Variants in STOX2 observed in about 807,000 individuals in gnomAD.
The protein encoded by STOX2 is storkhead-box protein 2.
In STOX2, 28 loss-of-function variants were observed where a neutral mutation model predicts 60.9. That is an observed-to-expected ratio of 0.46 (90% CI 0.34 to 0.63). The LOEUF (loss-of-function observed/expected upper bound fraction) is 0.63, where lower values mean the gene tolerates loss of function less well. STOX2 is among the 30% of genes least tolerant of loss of function. The probability of loss-of-function intolerance (pLI) is 0.01; values close to 1 mark genes in which losing one functional copy is unlikely to be tolerated. For missense variants in STOX2, 1,024 were observed against 1,187.7 expected, an observed-to-expected ratio of 0.86 and a Z score of 2.03; for synonymous variants, 472 against 463.9, an observed-to-expected ratio of 1.02 and a Z score of -0.22.
At chr4:183,984,784 G>A (rs747473417) in intron 1 of STOX2, among the ~76,000 whole-genome samples, 4 of 152,124 alleles carry the variant, frequency 2.6e-5, no homozygotes, top group Admixed American at 6.5e-5. Flanking sequence ...TCACCTCTGC[G>A]GTCCTCTGTG....
intron 1 of STOX2, among the ~76,000 whole-genome samples, chr4:183,969,085 C>A (rs1044326310): frequency 6.6e-6 from 1 of 152,188 alleles, no homozygotes; most frequent in Non-Finnish European, 1.5e-5. Flanking sequence ...TTTGCTGTTC[C>A]TGTGAGAATT....
In STOX2 at chr4:183,986,681, C is replaced by G. The variant is rs1221914414; in HGVS notation, c.167-14644C>G. ...TATCGGATGGGTGATGGCGCAGAAG[C>G]GGGTTATACGTTTTGTAGCCTCCCG... On this transcript the variant is annotated intron_variant, in intron 1 of 3. Transcript: ENST00000308497. Among the ~76,000 whole-genome samples, 5 of 152,200 alleles carry G rather than the reference C, an allele frequency of 3.3e-5. No homozygotes were observed. In the South Asian group the frequency reaches 8.3e-4, roughly 25 times the overall value.
chr4:183,841,699 A>G (rs1045981734), intron 1 of STOX2, among the ~76,000 whole-genome samples: 5 of 152,250 alleles, frequency 3.3e-5, no homozygotes, highest in African/African-American at 4.8e-5. Flanking sequence ...AAAAAAATAC[A>G]CAGCTTATTA....
chr4:183,949,983 TA>T (rs1173496225), intron 1 of STOX2, among the ~76,000 whole-genome samples: 3 of 152,214 alleles, frequency 2.0e-5, no homozygotes, highest in Non-Finnish European at 4.4e-5. Context: ...TACTGACAGT[TA>T]ACACCATGAA....
intron 1 of STOX2, chr4:183,798,507 T>A (rs1337964863): frequency 1.9e-6 from 1 of 525,374 alleles, no homozygotes; most frequent in African/African-American, 2.1e-5. Context: ...GCGGCTCAGG[T>A]GCGCCCGGGA....
chr4:183,850,867 G>GGAAAGGATGAGA (rs1560845178), intron 1 of STOX2, among the ~76,000 whole-genome samples: 2 of 138,424 alleles, frequency 1.4e-5, no homozygotes, highest in South Asian at 2.4e-4. Context: ...AAAGGATGAG[G>GGAAAGGATGAGA]GAAAGGATGA....
At chr4:183,923,195 C>T (rs961723788) in intron 1 of STOX2, among the ~76,000 whole-genome samples, 1 of 152,178 alleles carries the variant, frequency 6.6e-6, no homozygotes, top group East Asian at 1.9e-4. Context: ...TTTTGAGGAA[C>T]CACCAAACCG....
At position 184,021,371 on chromosome 4, in the gene STOX2, A is replaced by G; in HGVS notation, c.*4087A>G. The G allele has an allele frequency of 6.6e-6, 1 of 152,116 alleles. No individual in the cohort carries two copies. 9.4% of individuals were successfully genotyped at this position (152,116 alleles called of 1,614,324 possible). ...GCATCATGAGAAATCACAAAATACA[A>G]TGCTATTTTTCTGATGTGTGCTAAT... On this transcript the variant is annotated 3_prime_UTR_variant, in exon 4 of 4. Coordinates refer to ENST00000308497, the MANE Select transcript of STOX2 (RefSeq NM_020225.3).
rs535129280 is a variant in STOX2 at position 183,935,653 on chromosome 4, C to CT, written c.166+28698dup. ...ATGATCTTGGAACAATCCTTTTAAACTGAGTCTTTCTTCACCTGTAGAAAC... is the reference window on the plus strand; with the variant it reads ...ATGATCTTGGAACAATCCTTTTAAACTTGAGTCTTTCTTCACCTGTAGAAAC... On this transcript the variant is annotated intron_variant, in intron 1 of 3. Transcript: ENST00000308497. Among the ~76,000 whole-genome samples, 40 of 152,326 alleles carry CT rather than the reference C, an allele frequency of 2.6e-4. 1 individual carries two copies. The East Asian group carries it at 7.7e-3, about 29-fold the overall frequency.
chr4:183,929,999 G>A (rs1346679400), intron 1 of STOX2, among the ~76,000 whole-genome samples: 1 of 151,894 alleles, frequency 6.6e-6, no homozygotes, highest in Non-Finnish European at 1.5e-5. Context: ...GAGTAGCTGG[G>A]ACTATGGGCG....
In STOX2 at chr4:183,999,723, C is replaced by T. The variant is rs117567843; in HGVS notation, c.167-1602C>T. The stretch of plus-strand genomic sequence containing the variant: ...CCCAGGCCCTGCTGCCTGATTTCAT[C>T]GAGCAAACCATTTCTCTCCTAGCCC... On this transcript the variant is annotated intron_variant, in intron 1 of 3. Transcript: ENST00000308497. Among the ~76,000 whole-genome samples the T allele has an allele frequency of 1.8e-4, 28 of 152,270 alleles. 1 individual carries two copies. The East Asian group carries it at 3.5e-3, about 19-fold the overall frequency.
chr4:183,931,665 G>T (rs1742428605), intron 1 of STOX2, among the ~76,000 whole-genome samples: 1 of 152,158 alleles, frequency 6.6e-6, no homozygotes, highest in Non-Finnish European at 1.5e-5. Flanking sequence ...ATGTGAGTCT[G>T]TAGGGTAAGG....
chr4:184,014,133 A>C (rs1268414524), intron 3 of STOX2: 2 of 133,288 alleles, frequency 1.5e-5, no homozygotes, highest in Admixed American at 7.7e-5. Flanking sequence ...AAAAAAAAAA[A>C]ACAGAAAAAG....
Position 183,963,425 on chromosome 4 carries a change from T to C in STOX2, c.167-37900T>C, listed in dbSNP as rs564786199. On this transcript the variant is annotated intron_variant, in intron 1 of 3. Coordinates refer to ENST00000308497, the MANE Select transcript of STOX2 (RefSeq NM_020225.3). ...CTATTTAAAAATGTTATATTTTTTT[T>C]CTTTTTTTCTTTTTTTTTTGAGACG... Among the ~76,000 whole-genome samples, 3 of 152,204 alleles carry C rather than the reference T, an allele frequency of 2.0e-5. No homozygotes were observed. In the South Asian group the frequency reaches 6.2e-4, roughly 32 times the overall value.
intron 1 of STOX2, among the ~76,000 whole-genome samples, chr4:183,831,296 A>G (rs1024146364): frequency 2.6e-5 from 4 of 152,214 alleles, no homozygotes; most frequent in Non-Finnish European, 4.4e-5. Flanking sequence ...GTGGCAGGAA[A>G]GAAGCTTGGC....
In STOX2 at chr4:184,001,467, G is replaced by A. The variant is rs372350249; in HGVS notation, c.309G>A (p.Thr103=). 26 of 1,613,556 alleles carry A rather than the reference G, an allele frequency of 1.6e-5. No homozygotes were observed. Among genetic ancestry groups the A allele is most frequent in the African/African-American group, 2.7e-5 (2 of 74,828 alleles). Residue 103 remains threonine, a synonymous_variant, in exon 2 of 4, where the codon ACG becomes ACA. Transcript: ENST00000308497. The surrounding 1 kb of genome is among the most constrained non-coding windows in gnomAD (Gnocchi z 4.2). Reference sequence around the variant, plus strand: ...AAGCACTGATGGAGCACCTGACCACGTGCTTCCCAGGTAACGAGGCGGGAA... The same window carrying A: ...AAGCACTGATGGAGCACCTGACCACATGCTTCCCAGGTAACGAGGCGGGAA... The part of the protein sequence containing the change: ...TQEALMEHLT[T]CFPGVPTPSQ...
Position 184,017,980 on chromosome 4 carries a change from A to G in STOX2, c.*696A>G, listed in dbSNP as rs1014130018. On this transcript the variant is annotated 3_prime_UTR_variant, in exon 4 of 4. Coordinates refer to ENST00000308497, the MANE Select transcript of STOX2 (RefSeq NM_020225.3). ...AGGGTTTTGTTTTGAAGTGTCACAG[A>G]TGCTTGTCTGATTTTTTTAACCTTC... 3 of 152,168 alleles carry G rather than the reference A, an allele frequency of 2.0e-5. No homozygotes were observed. The highest frequency in any genetic ancestry group is 7.2e-5 in the African/African-American group (3 of 41,438). The allele number at this position is 152,168 out of a possible 1,614,324, so 9.4% of individuals were successfully genotyped here. A position where few individuals can be genotyped will look rare whatever the true frequency, so the allele number is the denominator to read the frequency against.
rs1254704423 is a variant in STOX2, at chr4:184,017,133, G to A, written c.2630G>A (p.Ser877Asn). 1.9e-6 allele frequency: 3 copies of A among 1,613,772 alleles called. No homozygotes were observed. Among genetic ancestry groups the A allele is most frequent in the Non-Finnish European group, 2.5e-6 (3 of 1,179,814 alleles). The change falls in exon 4 of 4, where the codon AGT (serine) becomes AAT (asparagine). Residue 877 changes from serine to asparagine, a missense_variant. Ser to Asn is a conservative substitution (Grantham distance 46). Coordinates refer to ENST00000308497, the MANE Select transcript of STOX2 (RefSeq NM_020225.3). ...LASNTSSIVE[S>N]NRRQNPALSP... ...TCCAACACATCAAGCATTGTTGAAA[G>A]TAACCGTCGTCAGAACCCCGCTTTG...
chr4:183,842,060 T>G (rs1386201329), intron 1 of STOX2, among the ~76,000 whole-genome samples: 1 of 152,254 alleles, frequency 6.6e-6, no homozygotes, highest in Non-Finnish European at 1.5e-5. Flanking sequence ...GATCCTTTCA[T>G]GCTCATTGCC....
Sources: allele counts gnomAD v4.1 joint callset (sites outside exome capture counted in the v4.1 genomes callset), GRCh38; gene constraint gnomAD v4.1.1; non-coding constraint Gnocchi (gnomAD v3.1); transcripts MANE v1.5; gene names NCBI Gene and HGNC (gene_info 2026-07-23, HGNC 2026-07-21).